Variants in MNT observed in about 807,000 individuals in gnomAD.
The protein encoded by MNT is max-binding protein MNT.
Under a neutral mutation model 40.7 loss-of-function variants are expected in MNT, and 13 were observed. The observed-to-expected ratio is 0.32, with a 90% CI of 0.21 to 0.51. MNT has a LOEUF of 0.51. MNT is among the 20% of genes least tolerant of loss of function. MNT has a pLI of 0.98. For synonymous variants in MNT, 426 were observed against 354.8 expected (o/e 1.20, Z -2.26); for missense variants, 757 against 792.0 (o/e 0.96, Z 0.53).
chr17:2,394,297 A>C lies in MNT; in HGVS notation c.695+8T>G. 6.2e-7 allele frequency: 1 copy of C among 1,613,214 alleles called. No homozygotes were observed. Among genetic ancestry groups the C allele is most frequent in the Non-Finnish European group, 8.5e-7 (1 of 1,179,836 alleles). ...CGCACGCACACACACACACACACACACACACACCTGTTCTTCTCCAATTTG... is the reference window on the plus strand; with the variant it reads ...CGCACGCACACACACACACACACACCCACACACCTGTTCTTCTCCAATTTG... On this transcript the variant is annotated splice_region_variant and intron_variant, in intron 3 of 5. Coordinates refer to ENST00000174618, the MANE Select transcript of MNT (RefSeq NM_020310.3).
At chr17:2,393,925 T>G (rs1388548079) in intron 4 of MNT, 118 bp downstream of exon 4, 8 of 523,230 alleles carry the variant, frequency 1.5e-5, no homozygotes, top group African/African-American at 2.2e-5. Context: ...CGCGTGGAGG[T>G]GGGAGGGAGG....
rs1056232830 is a variant in MNT, at chr17:2,384,257, ACAG to A, written c.*2641_*2643del. 1 of 151,160 alleles carries A rather than the reference ACAG, an allele frequency of 6.6e-6. No individual in the cohort carries two copies. Among genetic ancestry groups the A allele is most frequent in the African/African-American group, 2.4e-5 (1 of 40,966 alleles). The allele number at this position is 151,160 out of a possible 1,614,324, so 9.4% of individuals were successfully genotyped here. A position where few individuals can be genotyped will look rare whatever the true frequency, so the allele number is the denominator to read the frequency against. On this transcript the variant is annotated 3_prime_UTR_variant, in exon 6 of 6. Coordinates refer to ENST00000174618, the MANE Select transcript of MNT (RefSeq NM_020310.3). Reference sequence around the variant, plus strand: ...TTTTGTAGTTTTTTTTTTTTTCCACACAGCAGATGTATCCAAACACATAAAAAT... The same window carrying A: ...TTTTGTAGTTTTTTTTTTTTTCCACACAGATGTATCCAAACACATAAAAAT...
At chr17:2,394,273 GCA>G (rs879040358) in intron 3 of MNT, 30 bp downstream of exon 3, 5 of 1,351,962 alleles carry the variant, frequency 3.7e-6, no homozygotes, top group African/African-American at 4.7e-5. Context: ...GCGCACGCAC[GCA>G]CGCACACACA....
chr17:2,398,723 G>T (rs2066593547), intron 1 of MNT, among the ~76,000 whole-genome samples: 1 of 152,320 alleles, frequency 6.6e-6, no homozygotes, highest in Non-Finnish European at 1.5e-5. Context: ...GCGGCAGCAG[G>T]TGACTTAATC....
chr17:2,397,431 T>C (rs572022513), intron 1 of MNT, among the ~76,000 whole-genome samples: 152 of 152,242 alleles, frequency 1.0e-3, no homozygotes, highest in African/African-American at 3.5e-3. Flanking sequence ...TAACTTTTCA[T>C]TGGCCTTGAG....
intron 1 of MNT, chr17:2,400,384 G>C: frequency 2.5e-6 from 1 of 407,230 alleles, no homozygotes; most frequent in African/African-American, 2.1e-5. Context: ...ACCACAGAAG[G>C]GGCACAGGGG....
intron 4 of MNT, among the ~76,000 whole-genome samples, chr17:2,388,945 G>A (rs1311523160): frequency 6.6e-6 from 1 of 152,136 alleles, no homozygotes; most frequent in Non-Finnish European, 1.5e-5. Context: ...CTGCTCTCGA[G>A]CTCCTAGCTT....
intron 1 of MNT, among the ~76,000 whole-genome samples, chr17:2,397,907 A>G (rs1378170024): frequency 6.6e-6 from 1 of 152,234 alleles, no homozygotes; most frequent in African/African-American, 2.4e-5. Flanking sequence ...GGCTCCACCC[A>G]GAGGCTGCCC....
In MNT at chr17:2,386,799, GC is replaced by G. The variant is rs2066465941; in HGVS notation, c.*101del. On this transcript the variant is annotated 3_prime_UTR_variant, in exon 6 of 6. Transcript: ENST00000174618. Reference sequence around the variant, plus strand: ...AGGAGGCCTGGGGGTGGGTGGGGGGGCTGGCCTGGGCCTGGCTGGAATGTGT... The same window carrying G: ...AGGAGGCCTGGGGGTGGGTGGGGGGGTGGCCTGGGCCTGGCTGGAATGTGT... 1.6e-6 allele frequency: 2 copies of G among 1,242,498 alleles called. No individual in the cohort carries two copies. The highest frequency in any genetic ancestry group is 1.6e-5 in the African/African-American group (1 of 63,198). 77.0% of individuals were successfully genotyped at this position (1,242,498 alleles called of 1,614,324 possible).
rs1344555489 is a variant in MNT at position 2,387,006 on chromosome 17, C to A, written c.1644G>T (p.Gly548=). 6.5e-7 allele frequency: 1 copy of A among 1,534,384 alleles called. No homozygotes were observed. Among genetic ancestry groups the A allele is most frequent in the South Asian group, 1.3e-5 (1 of 79,294 alleles). Residue 548 remains glycine, a synonymous_variant, in exon 6 of 6, where the codon GGG becomes GGT. Transcript: ENST00000174618. ...PATVMAKPAV[G]AQVVHHPQLV... ...GCTGGGGGTGGTGCACCACCTGAGC[C>A]CCCACGGCCGGCTTTGCCATGACAG...
In MNT at chr17:2,394,735, A is replaced by G. The variant is rs577141955; in HGVS notation, c.653+140T>C. On this transcript the variant is annotated intron_variant, in intron 2 of 5. Coordinates refer to ENST00000174618, the MANE Select transcript of MNT (RefSeq NM_020310.3). ...GGGCAATGGGACATTCCTTCCCAGG[A>G]TAGACATGGGCACAGTGATGACGTG... 2.4e-5 allele frequency: 16 copies of G among 654,674 alleles called. No homozygotes were observed. In the South Asian group the frequency reaches 3.0e-4, roughly 12 times the overall value. 40.6% of individuals were successfully genotyped at this position (654,674 alleles called of 1,614,324 possible).
At chr17:2,393,005 G>A (rs1278283251) in intron 4 of MNT, among the ~76,000 whole-genome samples, 3 of 152,082 alleles carry the variant, frequency 2.0e-5, no homozygotes, top group African/African-American at 4.8e-5. Flanking sequence ...CGAGGCCGGG[G>A]GAGGGGCGGC....
rs978269496 is a variant in MNT at position 2,385,525 on chromosome 17, A to C, written c.*1376T>G. 1 of 152,552 alleles carries C rather than the reference A, an allele frequency of 6.6e-6. No individual in the cohort carries two copies. The highest frequency in any genetic ancestry group is 2.4e-5 in the African/African-American group (1 of 41,490). The allele number at this position is 152,552 out of a possible 1,614,324, so 9.4% of individuals were successfully genotyped here. A position where few individuals can be genotyped will look rare whatever the true frequency, so the allele number is the denominator to read the frequency against. On this transcript the variant is annotated 3_prime_UTR_variant, in exon 6 of 6. Coordinates refer to ENST00000174618, the MANE Select transcript of MNT (RefSeq NM_020310.3). ...AGGCCAAAGCAGGCTGCCCAGAGGCAGAGAAAGCCGCATCCTAACACAGAG... is the reference window on the plus strand; with the variant it reads ...AGGCCAAAGCAGGCTGCCCAGAGGCCGAGAAAGCCGCATCCTAACACAGAG...
rs776689513 is a variant in MNT at position 2,387,494 on chromosome 17, G to A, written c.1156C>T (p.Pro386Ser). Residue 386 changes from proline to serine, a missense_variant, in exon 6 of 6, where the codon CCC (proline) becomes TCC (serine). Around this residue, in one of 4 missense-constraint regions of MNT, gnomAD observed 345 missense variants for 380.1 expected, o/e 0.91. Transcript: ENST00000174618. Reference protein sequence around the residue: ...APLPPHPHPHPHSVALPPAHL... With the variant: ...APLPPHPHPHSHSVALPPAHL... ...GCAGGAGGTAGGGCCACGGAGTGGGGGTGAGGGTGTGGGTGTGGAGGCAGA... is the reference window on the plus strand; with the variant it reads ...GCAGGAGGTAGGGCCACGGAGTGGGAGTGAGGGTGTGGGTGTGGAGGCAGA... 3 of 1,612,748 alleles carry A rather than the reference G, an allele frequency of 1.9e-6. No individual in the cohort carries two copies. The highest frequency in any genetic ancestry group is 2.2e-5 in the East Asian group (1 of 44,808).
intron 2 of MNT, among the ~76,000 whole-genome samples, chr17:2,394,601 G>A (rs897359092): frequency 1.4e-4 from 22 of 152,206 alleles, no homozygotes; most frequent in East Asian, 3.9e-4. Context: ...AGAGGCAGCC[G>A]GTTGACCCCA....
Position 2,386,855 on chromosome 17 carries a change from G to A in MNT, c.*46C>T. On this transcript the variant is annotated 3_prime_UTR_variant, in exon 6 of 6. Coordinates refer to ENST00000174618, the MANE Select transcript of MNT (RefSeq NM_020310.3). ...CTGGTGGGTGAGAGAGTGGGGGACA[G>A]GTCCCCCTCCCTGTCCCCACTGGGG... 1 of 1,434,062 alleles carries A rather than the reference G, an allele frequency of 7.0e-7. No homozygotes were observed. The highest frequency in any genetic ancestry group is 3.0e-5 in the Admixed American group (1 of 33,688). 88.8% of individuals were successfully genotyped at this position (1,434,062 alleles called of 1,614,324 possible). A position where few individuals can be genotyped will look rare whatever the true frequency, so the allele number is the denominator to read the frequency against.
rs1470606946 is a variant in MNT at position 2,387,604 on chromosome 17, C to A, written c.1046G>T (p.Gly349Val). Residue 349 changes from glycine to valine, a missense_variant, in exon 6 of 6, where the codon GGC becomes GTC. This residue lies in a region of MNT where 345 missense variants were observed against 380.1 expected (regional missense o/e 0.91). Coordinates refer to ENST00000174618, the MANE Select transcript of MNT (RefSeq NM_020310.3). Reference protein sequence around the residue: ...IDEDMEEDRAGLGPPKLSHRP... With the variant: ...IDEDMEEDRAVLGPPKLSHRP... ...ATGGCTCAGCTTAGGTGGGCCCAGG[C>A]CCGCCCGGTCCTCCTCCATATCCTC... 3.1e-6 allele frequency: 5 copies of A among 1,614,096 alleles called. No individual in the cohort carries two copies. The highest frequency in any genetic ancestry group is 4.5e-5 in the East Asian group (2 of 44,880).
Position 2,394,946 on chromosome 17 carries a change from G to T in MNT, c.582C>A (p.Pro194=). The T allele has an allele frequency of 6.2e-7, 1 of 1,607,930 alleles. No individual in the cohort carries two copies. The highest frequency in any genetic ancestry group is 1.1e-5 in the South Asian group (1 of 89,970). ...GTGCCAACTTCAGGGTCCCCAGCGT[G>T]GGTGGGGGCGGCTGCTGGGGGGCCA... The part of the protein sequence containing the change: ...PQLAPQQPPP[P]TLGTLKLAPA... The change falls in exon 2 of 6, where the codon CCC becomes CCA. Residue 194 remains proline (P), a synonymous_variant. Transcript: ENST00000174618.
intron 4 of MNT, chr17:2,389,162 T>A (rs1263435040): frequency 2.0e-5 from 3 of 152,482 alleles, no homozygotes; most frequent in African/African-American, 7.2e-5. Flanking sequence ...GTCTGCCACA[T>A]CCTCCTGCCT....
Sources: gnomAD v4.1 joint callset for allele counts (sites outside exome capture counted in the v4.1 genomes callset) on GRCh38, gnomAD v4.1.1 for gene constraint, gnomAD v4.1.1 regional missense constraint, MANE v1.5 for transcripts, NCBI Gene and HGNC (gene_info 2026-07-23, HGNC 2026-07-21) for gene names.